PRKD3: variants seen among roughly 807,000 people sequenced by gnomAD.
The protein encoded by PRKD3 is serine/threonine-protein kinase D3.
Under a neutral mutation model 99.2 loss-of-function variants are expected in PRKD3, and 47 were observed. That is an observed-to-expected ratio of 0.47 (90% CI 0.38 to 0.60). The LOEUF (loss-of-function observed/expected upper bound fraction) is 0.60. Ranked by LOEUF, PRKD3 falls within the 20% of genes least tolerant of loss-of-function variation. The probability of loss-of-function intolerance (pLI) is 0.00; values close to 1 mark genes in which losing one functional copy is unlikely to be tolerated. For synonymous variants in PRKD3, 392 were observed against 355.4 expected (o/e 1.10, Z -1.16); for missense variants, 1,019 against 1,088.4 (o/e 0.94, Z 0.90).
rs762064325 is a variant in PRKD3 at position 37,293,198 on chromosome 2, ATGT to A, written c.359_361del (p.Asn120del). 1 of 1,606,084 alleles carries A rather than the reference ATGT, an allele frequency of 6.2e-7. No homozygotes were observed. The highest frequency in any genetic ancestry group is 1.1e-5 in the South Asian group (1 of 90,276). On this transcript the variant is annotated inframe_deletion, in exon 3 of 19. Coordinates refer to ENST00000234179, the MANE Select transcript of PRKD3 (RefSeq NM_005813.6). ...ATCTGCTGAGGTAATCAGCTGCAAA[ATGT>A]TTTCTGAGTTCATGTCATGGCGAAA...
intron 7 of PRKD3, among the ~76,000 whole-genome samples, chr2:37,281,179 T>C (rs779016707): frequency 1.1e-4 from 16 of 152,174 alleles, no homozygotes; most frequent in Non-Finnish European, 1.8e-4. Context: ...ATTTCTTTGA[T>C]TACTAGTGAG....
intron 11 of PRKD3, among the ~76,000 whole-genome samples, chr2:37,273,518 C>CT (rs1181373217): frequency 6.6e-6 from 1 of 152,098 alleles, no homozygotes; most frequent in African/African-American, 2.4e-5. Flanking sequence ...CTGTCTGTAT[C>CT]TGAGTTTTTT....
chr2:37,314,047 T>C (rs1671558546), intron 2 of PRKD3, among the ~76,000 whole-genome samples: 1 of 152,070 alleles, frequency 6.6e-6, no homozygotes, highest in Non-Finnish European at 1.5e-5. Flanking sequence ...AAAGAACTGA[T>C]AAAACTGAAA....
At chr2:37,261,954 C>G (rs1668495503) in intron 14 of PRKD3, among the ~76,000 whole-genome samples, 1 of 152,130 alleles carries the variant, frequency 6.6e-6, no homozygotes, top group South Asian at 2.1e-4. Flanking sequence ...ATATTCAACA[C>G]ATTAGTGTAA....
Position 37,269,573 on chromosome 2 carries a change from T to A in PRKD3, c.1777+42A>T, listed in dbSNP as rs765625939. ...CAGATGTTTTACATTTTCCAGTTTT[T>A]AAAATAATGTGTACAATATGCAAAC... On this transcript the variant is annotated intron_variant, in intron 13 of 18. Transcript: ENST00000234179. 19 of 1,539,692 alleles carry A rather than the reference T, an allele frequency of 1.2e-5. No homozygotes were observed. In the African/African-American group the frequency reaches 2.0e-4, roughly 17 times the overall value.
In PRKD3 at chr2:37,313,665, A is replaced by T. The variant is rs183626922; in HGVS notation, c.288+2572T>A. On this transcript the variant is annotated intron_variant, in intron 2 of 18. Transcript: ENST00000234179. Reference sequence around the variant, plus strand: ...AAAAGATATCACAATGCAAACACTAATTTTTTATAAAAAGAATGATTAACA... The same window carrying T: ...AAAAGATATCACAATGCAAACACTATTTTTTTATAAAAAGAATGATTAACA... 1.2e-4 allele frequency among the ~76,000 whole-genome samples: 18 copies of T among 152,334 alleles called. 1 individual carries two copies. The highest frequency in any genetic ancestry group is 4.1e-4 in the African/African-American group (17 of 41,582).
intron 2 of PRKD3, among the ~76,000 whole-genome samples, chr2:37,299,949 T>C (rs1558568717): frequency 6.6e-6 from 1 of 152,104 alleles, no homozygotes; most frequent in East Asian, 1.9e-4. Context: ...TGTAAATCAG[T>C]ACAGTCACTA....
chr2:37,300,357 G>GACTA (rs1644872717), intron 2 of PRKD3, among the ~76,000 whole-genome samples: 2 of 152,260 alleles, frequency 1.3e-5, no homozygotes, highest in South Asian at 4.1e-4. Flanking sequence ...GTAGAATGAT[G>GACTA]ACTACCAGAG....
At chr2:37,296,474 T>C (rs969241479) in intron 2 of PRKD3, among the ~76,000 whole-genome samples, 3 of 151,938 alleles carry the variant, frequency 2.0e-5, no homozygotes, top group Non-Finnish European at 2.9e-5. Context: ...TTTCATACTA[T>C]ACTCATCTAT....
chr2:37,254,556 T>G (rs1667782946), intron 17 of PRKD3, among the ~76,000 whole-genome samples: 1 of 152,108 alleles, frequency 6.6e-6, no homozygotes, highest in Non-Finnish European at 1.5e-5. Flanking sequence ...TGGGCTGAAG[T>G]CTGGTTCTGC....
At position 37,316,501 on chromosome 2, in the gene PRKD3, T is replaced by C; in HGVS notation, c.24A>G (p.Pro8=). 1 of 1,613,434 alleles carries C rather than the reference T, an allele frequency of 6.2e-7. No homozygotes were observed. The highest frequency in any genetic ancestry group is 8.5e-7 in the Non-Finnish European group (1 of 1,179,600). ...TGGGTAATACAGACTTCTGGGCTGATGGAGGGGAATTATTTGCAGACATCT... is the reference window on the plus strand; with the variant it reads ...TGGGTAATACAGACTTCTGGGCTGACGGAGGGGAATTATTTGCAGACATCT... MSANNSP[P]SAQKSVLPTA... is the part of the protein sequence containing the mutation. The change falls in exon 2 of 19, where the codon CCA becomes CCG. Residue 8 remains proline (P), a synonymous_variant. Coordinates refer to ENST00000234179, the MANE Select transcript of PRKD3 (RefSeq NM_005813.6).
At chr2:37,283,167 C>G (rs1054780920) in intron 6 of PRKD3, among the ~76,000 whole-genome samples, 12 of 152,214 alleles carry the variant, frequency 7.9e-5, no homozygotes, top group African/African-American at 2.4e-4. Flanking sequence ...CAGGTACAAT[C>G]TGTCCAAAAT....
intron 8 of PRKD3, 121 bp from the exon 9 acceptor site, chr2:37,278,110 A>T (rs1342093839): frequency 1.5e-6 from 1 of 681,512 alleles, no homozygotes; most frequent in Non-Finnish European, 2.2e-6. Flanking sequence ...ATCTTAGTAA[A>T]ATAAACAATG....
Position 37,318,485 on chromosome 2 carries a change from TTTC to T in PRKD3, c.-655-1309_-655-1307del, listed in dbSNP as rs1168189299. 2.0e-5 allele frequency among the ~76,000 whole-genome samples: 3 copies of T among 152,316 alleles called. No individual in the cohort carries two copies. The East Asian group carries it at 5.8e-4, about 29-fold the overall frequency. On this transcript the variant is annotated intron_variant, in intron 1 of 18. Coordinates refer to ENST00000234179, the MANE Select transcript of PRKD3 (RefSeq NM_005813.6). ...GGGAATTAGAAGCCAGGTTTTGTAC[TTTC>T]TTACCAGTGCTGTCTCCACAAGAAC...
At chr2:37,261,889 T>C (rs1205943750) in intron 14 of PRKD3, among the ~76,000 whole-genome samples, 1 of 152,242 alleles carries the variant, frequency 6.6e-6, no homozygotes, top group African/African-American at 2.4e-5. Flanking sequence ...AAAAAACGTA[T>C]TTTGAATACC....
chr2:37,301,445 T>A (rs1670926381), intron 2 of PRKD3, among the ~76,000 whole-genome samples: 1 of 143,022 alleles, frequency 7.0e-6, no homozygotes. Context: ...CTGGATTACA[T>A]TTTTTTTTTT....
chr2:37,260,522 C>T (rs1033852870), intron 14 of PRKD3, 138 bp from the exon 15 acceptor site: 2 of 815,786 alleles, frequency 2.5e-6, no homozygotes, highest in Non-Finnish European at 3.9e-6. Flanking sequence ...ATAAAAATTA[C>T]AATCAATGAA....
chr2:37,266,565 C>T (rs1668858073), intron 14 of PRKD3, among the ~76,000 whole-genome samples: 1 of 151,896 alleles, frequency 6.6e-6, no homozygotes, highest in Non-Finnish European at 1.5e-5. Context: ...TGGCTAACTG[C>T]AGCCTCCACC....
intron 7 of PRKD3, 110 bp from the exon 8 acceptor site, chr2:37,280,039 A>G (rs1408890402): frequency 1.4e-6 from 1 of 692,754 alleles, no homozygotes; most frequent in East Asian, 3.1e-5. Flanking sequence ...TTTATGAGTT[A>G]AGTAAAGTAT....
Sources: gnomAD v4.1 joint callset for allele counts (sites outside exome capture counted in the v4.1 genomes callset) on GRCh38, gnomAD v4.1.1 for gene constraint, MANE v1.5 for transcripts, NCBI Gene and HGNC (gene_info 2026-07-23, HGNC 2026-07-21) for gene names.